The following ABCC2 variants were observed in gnomAD, a reference collection of about 807,000 sequenced individuals.
The protein encoded by ABCC2 is ATP binding cassette subfamily C member 2.
In ABCC2, 157 loss-of-function variants were observed where a neutral mutation model predicts 173.4. The ratio of observed to expected loss-of-function variants is 0.91; its 90% CI spans 0.80 to 1.03. The LOEUF is 1.03. Among genes scored for constraint, ABCC2 ranks in the 50% least tolerant of loss-of-function variants. ABCC2 has a pLI of 0.00. For missense variants in ABCC2, 1,822 were observed against 1,852.3 expected (o/e 0.98, Z 0.30); for synonymous variants, 657 against 693.5 (o/e 0.95, Z 0.83).
intron 16 of ABCC2, among the ~76,000 whole-genome samples, chr10:99,813,628 T>C (rs1224813232): frequency 6.6e-6 from 1 of 151,796 alleles, no homozygotes; most frequent in Non-Finnish European, 1.5e-5. Context: ...GGCATGAGAA[T>C]CACTTGGGCC....
chr10:99,787,548 T>G (rs2037737772), intron 2 of ABCC2, among the ~76,000 whole-genome samples: 1 of 152,234 alleles, frequency 6.6e-6, no homozygotes, highest in Admixed American at 6.5e-5. Flanking sequence ...CTTGCACCAT[T>G]GTCAGCATTG....
At chr10:99,836,591 T>A (rs1194760199) in intron 25 of ABCC2, among the ~76,000 whole-genome samples, 5 of 152,224 alleles carry the variant, frequency 3.3e-5, no homozygotes, top group Non-Finnish European at 7.3e-5. Flanking sequence ...ACCTGTCTCA[T>A]GGTGGAAGTC....
chr10:99,800,316 G>T, intron 8 of ABCC2, 70 bp from the exon 9 acceptor site: 2 of 1,505,874 alleles, frequency 1.3e-6, no homozygotes, highest in South Asian at 2.3e-5. Context: ...TAGTCTAGCT[G>T]GCTGTGCATG....
intron 31 of ABCC2, 127 bp from the exon 32 acceptor site, chr10:99,851,375 C>A (rs2039085990): frequency 9.7e-7 from 1 of 1,028,608 alleles, no homozygotes; most frequent in Non-Finnish European, 1.5e-6. Context: ...GTAGCTGTGG[C>A]TCATTGATTT....
chr10:99,836,523 G>T (rs1166498225), intron 25 of ABCC2, among the ~76,000 whole-genome samples: 1 of 152,184 alleles, frequency 6.6e-6, no homozygotes, highest in African/African-American at 2.4e-5. Context: ...TCTCTAAGGA[G>T]AATCTCCATT....
intron 11 of ABCC2, among the ~76,000 whole-genome samples, chr10:99,806,056 C>A (rs2038094318): frequency 7.7e-6 from 1 of 129,812 alleles, no homozygotes; most frequent in African/African-American, 3.2e-5. Flanking sequence ...TTTTAATCTA[C>A]TACAGTCTCT....
intron 31 of ABCC2, among the ~76,000 whole-genome samples, chr10:99,851,017 A>G (rs546585217): frequency 1.6e-4 from 25 of 152,382 alleles, no homozygotes; most frequent in African/African-American, 5.8e-4. Flanking sequence ...AGGGCAAAAT[A>G]GGAAACTGTG....
intron 9 of ABCC2, among the ~76,000 whole-genome samples, chr10:99,803,526 TCTA>T (rs1295426199): frequency 6.6e-6 from 1 of 152,196 alleles, no homozygotes; most frequent in African/African-American, 2.4e-5. Flanking sequence ...TATTTGATTC[TCTA>T]CTATGTGCCA....
At position 99,793,633 on chromosome 10, in the gene ABCC2, C is replaced by T. The variant is rs772107587; in HGVS notation, c.416C>T (p.Ser139Leu). ...SWFLSLFWIL[S>L]ILCGTFQFQT... The stretch of plus-strand genomic sequence containing the variant: ...TTCCTGTCCCTATTCTGGATTCTCT[C>T]GATACTCTGTGGCACTTTCCAATTT... Residue 139 changes from serine (S) to leucine (L), a missense_variant, in exon 4 of 32, where the codon TCG becomes TTG. Physicochemically the swap from Ser to Leu is moderately radical, Grantham distance 145 (BLOSUM62 -2). Coordinates refer to ENST00000647814, the MANE Select transcript of ABCC2 (RefSeq NM_000392.5). 6.2e-6 allele frequency: 10 copies of T among 1,613,932 alleles called. No individual in the cohort carries two copies. The highest frequency in any genetic ancestry group is 3.3e-5 in the Admixed American group (2 of 59,972).
At chr10:99,799,494 TC>T in intron 8 of ABCC2, 124 bp downstream of exon 8, 1 of 1,189,360 alleles carries the variant, frequency 8.4e-7, no homozygotes, top group Non-Finnish European at 1.2e-6. Context: ...GTAATTTTCT[TC>T]CACCTTAACC....
chr10:99,787,179 GT>G (rs1355279877), intron 2 of ABCC2, among the ~76,000 whole-genome samples: 1 of 150,408 alleles, frequency 6.6e-6, no homozygotes, highest in Non-Finnish European at 1.5e-5. Flanking sequence ...ATGCAATTCA[GT>G]TTTTTTCAGT....
At chr10:99,799,170 T>C in intron 7 of ABCC2, 37 bp from the exon 8 acceptor site, 1 of 1,612,918 alleles carries the variant, frequency 6.2e-7, no homozygotes, top group Non-Finnish European at 8.5e-7. Flanking sequence ...GTAACAGACA[T>C]AACTCTGTGG....
At chr10:99,800,234 C>T in intron 8 of ABCC2, 152 bp from the exon 9 acceptor site, 1 of 863,784 alleles carries the variant, frequency 1.2e-6, no homozygotes, top group South Asian at 1.3e-5. Context: ...ACTGGTAAAA[C>T]TGTAGACTTA....
chr10:99,791,062 G>A (rs945585332), intron 2 of ABCC2, among the ~76,000 whole-genome samples: 3 of 152,138 alleles, frequency 2.0e-5, no homozygotes, highest in African/African-American at 7.2e-5. Flanking sequence ...ACAGTGTAAT[G>A]TGTATCATGT....
chr10:99,814,061 T>C (rs1278752011), intron 16 of ABCC2, among the ~76,000 whole-genome samples: 1 of 146,810 alleles, frequency 6.8e-6, no homozygotes, highest in African/African-American at 2.7e-5. Context: ...TTCATCAATT[T>C]TGTATATATA....
intron 6 of ABCC2, among the ~76,000 whole-genome samples, chr10:99,795,800 A>AT (rs1491533872): frequency 0.31 from 24,048 of 78,070 alleles, 2,941 homozygotes; most frequent in Non-Finnish European, 0.32. Context: ...AGAAAGAAAG[A>AT]AAGATTTCTA....
At chr10:99,792,727 G>T (rs2037830148) in intron 3 of ABCC2, among the ~76,000 whole-genome samples, 1 of 152,188 alleles carries the variant, frequency 6.6e-6, no homozygotes, top group African/African-American at 2.4e-5. Flanking sequence ...CAATGGATCA[G>T]TGAGCTTAGA....
chr10:99,800,160 C>T (rs1208944295), intron 8 of ABCC2, among the ~76,000 whole-genome samples: 1 of 152,188 alleles, frequency 6.6e-6, no homozygotes, highest in African/African-American at 2.4e-5. Context: ...GATCCTGCCA[C>T]TGCACTCCAG....
At chr10:99,815,108 C>T (rs533922853) in intron 16 of ABCC2, among the ~76,000 whole-genome samples, 55 of 152,124 alleles carry the variant, frequency 3.6e-4, no homozygotes, top group Admixed American at 1.2e-3. Context: ...CCCCTCACTC[C>T]CCAACAGGCC....
Sources: gnomAD v4.1 joint callset for allele counts (sites outside exome capture counted in the v4.1 genomes callset) on GRCh38, gnomAD v4.1.1 for gene constraint, MANE v1.5 for transcripts, NCBI Gene and HGNC (gene_info 2026-07-23, HGNC 2026-07-21) for gene names.